MAD1L1: variants seen among roughly 807,000 people sequenced by gnomAD.
The protein encoded by MAD1L1 is mitotic spindle assembly checkpoint protein MAD1.
A neutral mutation model predicts 96.9 loss-of-function variants in MAD1L1; 95 were observed. The ratio of observed to expected loss-of-function variants is 0.98; its 90% CI spans 0.83 to 1.16. MAD1L1 has a LOEUF of 1.16. MAD1L1 is among the 50% of genes most tolerant of loss of function. The probability of loss-of-function intolerance (pLI) is 0.00; values close to 1 mark genes in which losing one functional copy is unlikely to be tolerated. For missense variants in MAD1L1, 1,007 were observed against 954.4 expected (o/e 1.06, Z -0.73); for synonymous variants, 473 against 396.6 (o/e 1.19, Z -2.29).
chr7:1,878,740 C>CG (rs1785518687), intron 18 of MAD1L1, among the ~76,000 whole-genome samples: 1 of 148,442 alleles, frequency 6.7e-6, no homozygotes, highest in Non-Finnish European at 1.5e-5. Flanking sequence ...GTCCCCCCCC[C>CG]CCCATTCTTA....
intron 13 of MAD1L1, among the ~76,000 whole-genome samples, chr7:2,006,049 G>A (rs1782016963): frequency 6.6e-6 from 1 of 152,094 alleles, no homozygotes; most frequent in East Asian, 1.9e-4. Context: ...GGAGGCAGGA[G>A]GGAGCTCAGG....
chr7:2,161,297 G>T (rs943376356), intron 10 of MAD1L1, among the ~76,000 whole-genome samples: 1 of 151,852 alleles, frequency 6.6e-6, no homozygotes, highest in African/African-American at 2.4e-5. Context: ...TGGTGGAGAC[G>T]GGGTTTCGCT....
rs539792127 is a variant in MAD1L1, at chr7:2,224,612, C to A, written c.291+798G>T. Among the ~76,000 whole-genome samples the A allele has an allele frequency of 7.2e-4, 110 of 152,218 alleles. 1 individual carries two copies. Among genetic ancestry groups the A allele is most frequent in the African/African-American group, 2.5e-3 (104 of 41,524 alleles). ...GTGAATACACCGCATGATGTCAGGG[C>A]GGGGCTGGACATCCACCCGCCAAGA... is the stretch of plus-strand genomic sequence containing the variant. On this transcript the variant is annotated intron_variant, in intron 4 of 18. Transcript: ENST00000265854.
At chr7:2,212,347 A>G (rs1584562704) in intron 10 of MAD1L1, among the ~76,000 whole-genome samples, 1 of 152,226 alleles carries the variant, frequency 6.6e-6, no homozygotes, top group African/African-American at 2.4e-5. Context: ...TGCTACAAGC[A>G]CCAGACAATC....
chr7:2,052,901 T>C (rs11768637), intron 12 of MAD1L1, among the ~76,000 whole-genome samples: 98,800 of 151,854 alleles, frequency 0.65, 32,558 homozygotes, highest in South Asian at 0.81. Flanking sequence ...TAGGAAGCCA[T>C]GTGTCCCCAG....
chr7:1,976,461 T>C (rs1395467610), intron 15 of MAD1L1, among the ~76,000 whole-genome samples: 1 of 152,198 alleles, frequency 6.6e-6, no homozygotes, highest in Non-Finnish European at 1.5e-5. Flanking sequence ...CCCAGTGGGT[T>C]CGTGGTCTTG....
chr7:2,184,227 G>A (rs996942268), intron 10 of MAD1L1, among the ~76,000 whole-genome samples: 4 of 152,058 alleles, frequency 2.6e-5, no homozygotes, highest in South Asian at 2.1e-4. Flanking sequence ...ACTCCAGCCT[G>A]GGCAACAGAG....
At chr7:2,127,399 G>A (rs908519294) in intron 11 of MAD1L1, among the ~76,000 whole-genome samples, 5 of 152,230 alleles carry the variant, frequency 3.3e-5, no homozygotes, top group African/African-American at 1.2e-4. Flanking sequence ...GGACAGCCCA[G>A]CACACTTGCT....
At chr7:2,042,895 GTCCA>G (rs1783752943) in intron 12 of MAD1L1, among the ~76,000 whole-genome samples, 2 of 117,882 alleles carry the variant, frequency 1.7e-5, no homozygotes, top group African/African-American at 1.0e-4. Context: ...CCACGTCCAC[GTCCA>G]CGTCCACATC....
intron 12 of MAD1L1, among the ~76,000 whole-genome samples, chr7:2,063,572 C>T (rs185580373): frequency 3.2e-4 from 49 of 152,342 alleles, no homozygotes; most frequent in African/African-American, 1.1e-3. Flanking sequence ...TCCACCCACA[C>T]GTCCTATGGG....
chr7:1,986,860 CCAA>C (rs1346704713), intron 14 of MAD1L1, among the ~76,000 whole-genome samples: 1 of 152,124 alleles, frequency 6.6e-6, no homozygotes, highest in East Asian at 1.9e-4. Context: ...AAGTAAGCTC[CCAA>C]CTGTATTCTC....
intron 3 of MAD1L1, among the ~76,000 whole-genome samples, chr7:2,227,045 G>A (rs113080800): frequency 0.03 from 4,534 of 150,324 alleles, 109 homozygotes; most frequent in Middle Eastern, 0.058. Flanking sequence ...TGTAATCCCA[G>A]CAGTTCGGGG....
chr7:2,112,030 C>T (rs896428918), intron 11 of MAD1L1, among the ~76,000 whole-genome samples: 1 of 152,214 alleles, frequency 6.6e-6, no homozygotes, highest in Non-Finnish European at 1.5e-5. Flanking sequence ...AACGAATAAA[C>T]AAGTCCCAGA....
intron 12 of MAD1L1, among the ~76,000 whole-genome samples, chr7:2,047,990 C>T (rs4721341): frequency 0.044 from 6,712 of 152,294 alleles, 231 homozygotes; most frequent in African/African-American, 0.089. Flanking sequence ...GCACACAGAA[C>T]TCACACAGCA....
intron 18 of MAD1L1, among the ~76,000 whole-genome samples, chr7:1,835,375 A>G (rs940443125): frequency 2.0e-5 from 3 of 152,260 alleles, no homozygotes; most frequent in African/African-American, 7.2e-5. Context: ...TGGAAGTGCA[A>G]GTGTACTTAC....
At chr7:1,900,128 C>T (rs981091246) in intron 17 of MAD1L1, among the ~76,000 whole-genome samples, 10 of 152,220 alleles carry the variant, frequency 6.6e-5, no homozygotes, top group African/African-American at 2.4e-4. Context: ...GCAGCCCGTT[C>T]CGAGTGCAAG....
chr7:2,139,645 T>C (rs1788927771), intron 11 of MAD1L1, among the ~76,000 whole-genome samples: 1 of 151,164 alleles, frequency 6.6e-6, no homozygotes, highest in South Asian at 2.1e-4. Context: ...GGCTGAGAAC[T>C]CCACAGCCAC....
chr7:1,945,155 C>G (rs963577951), intron 16 of MAD1L1, among the ~76,000 whole-genome samples: 1 of 152,314 alleles, frequency 6.6e-6, no homozygotes, highest in Non-Finnish European at 1.5e-5. Context: ...TCAGCAGGGG[C>G]CCAGCAGAGG....
chr7:1,899,362 GCCCT>G (rs1787099536), intron 17 of MAD1L1, among the ~76,000 whole-genome samples: 1 of 152,180 alleles, frequency 6.6e-6, no homozygotes, highest in Admixed American at 6.5e-5. Context: ...GCAATGGGGA[GCCCT>G]CCAGGGGCCT....
Sources: allele counts gnomAD v4.1 joint callset (sites outside exome capture counted in the v4.1 genomes callset), GRCh38; gene constraint gnomAD v4.1.1; transcripts MANE v1.5; gene names NCBI Gene and HGNC (gene_info 2026-07-23, HGNC 2026-07-21).